The following PPP2R5C variants were observed in gnomAD, a reference collection of about 807,000 sequenced individuals.
PPP2R5C encodes serine/threonine-protein phosphatase 2A 56 kDa regulatory subunit gamma isoform.
Under a neutral mutation model 68.9 loss-of-function variants are expected in PPP2R5C, and 7 were observed. That is an observed-to-expected ratio of 0.10 (90% confidence interval 0.06 to 0.19). The LOEUF is 0.19. Among genes scored for constraint, PPP2R5C ranks in the 10% least tolerant of loss-of-function variants. The pLI is 1.00. For synonymous variants in PPP2R5C, 210 were observed against 222.2 expected (o/e 0.95, Z 0.49); for missense variants, 348 against 641.3 (o/e 0.54, Z 4.94).
intron 1 of PPP2R5C, among the ~76,000 whole-genome samples, chr14:101,822,452 A>T (rs1267139687): frequency 6.6e-6 from 1 of 152,242 alleles, no homozygotes; most frequent in East Asian, 1.9e-4. Flanking sequence ...TAACCAATTC[A>T]GATACTTTTT....
intron 11 of PPP2R5C, 70 bp from the exon 14 acceptor site, chr14:101,912,331 C>A: frequency 7.4e-7 from 1 of 1,355,906 alleles, no homozygotes. Flanking sequence ...CATGCCTGTG[C>A]CTTTTCCCCT....
chr14:101,905,781 A>C (rs533514258), intron 9 of PPP2R5C, among the ~76,000 whole-genome samples: 30 of 152,166 alleles, frequency 2.0e-4, no homozygotes, highest in African/African-American at 6.0e-4. Context: ...TGCCCTCTGC[A>C]GTGGTCCTCA....
intron 8 of PPP2R5C, among the ~76,000 whole-genome samples, chr14:101,900,753 G>A (rs565796601): frequency 6.6e-6 from 1 of 152,338 alleles, no homozygotes; most frequent in East Asian, 1.9e-4. Flanking sequence ...GTCTGACTTG[G>A]CCAAGGAACA....
intron 6 of PPP2R5C, among the ~76,000 whole-genome samples, chr14:101,892,739 G>A (rs906964833): frequency 1.5e-4 from 23 of 152,008 alleles, no homozygotes; most frequent in African/African-American, 4.8e-4. Context: ...ATAGGATCTC[G>A]CTATACTACC....
intron 1 of PPP2R5C, among the ~76,000 whole-genome samples, chr14:101,851,089 C>T (rs1050199696): frequency 1.3e-5 from 2 of 152,120 alleles, no homozygotes. Context: ...TCTGTGGGCT[C>T]GCGACTTGCA....
chr14:101,917,312 G>T lies in PPP2R5C; in HGVS notation c.1327-519G>T, dbSNP rs2046730559. On this transcript the variant is annotated intron_variant, in intron 12 of 13. Transcript: ENST00000334743. The surrounding 1 kb of genome is among the most constrained non-coding windows in gnomAD (Gnocchi z 4.4). ...GTGGAGAGCAAGTCACCCGGGATGTGATGAGAGGGTTTCATAAGCAAGCCG... is the reference window on the plus strand; with the variant it reads ...GTGGAGAGCAAGTCACCCGGGATGTTATGAGAGGGTTTCATAAGCAAGCCG... 6.6e-6 allele frequency among the ~76,000 whole-genome samples: 1 copy of T among 152,194 alleles called. No individual in the cohort carries two copies. The highest frequency in any genetic ancestry group is 2.4e-5 in the African/African-American group (1 of 41,438).
At chr14:101,833,035 TCAGTCATGTCCA>T (rs1464730356) in intron 1 of PPP2R5C, among the ~76,000 whole-genome samples, 1 of 152,234 alleles carries the variant, frequency 6.6e-6, no homozygotes, top group African/African-American at 2.4e-5. Context: ...CGTGCTGGAA[TCAGTCATGTCCA>T]CACTGGCAGT....
intron 1 of PPP2R5C, among the ~76,000 whole-genome samples, 186 bp from the exon 2 acceptor site, chr14:101,762,719 T>C (rs1023391844): frequency 8.6e-5 from 13 of 151,562 alleles, no homozygotes; most frequent in Non-Finnish European, 1.5e-5. Context: ...AGAATCTGAA[T>C]GGGGGTTGGG....
At chr14:101,860,532 G>T (rs369737789) in intron 2 of PPP2R5C, among the ~76,000 whole-genome samples, 1 of 152,254 alleles carries the variant, frequency 6.6e-6, no homozygotes, top group African/African-American at 2.4e-5. Context: ...GTGTGTTTTC[G>T]TATCTCTTGG....
At chr14:101,767,092 C>T (rs747550375) in intron 2 of PPP2R5C, 1 of 152,226 alleles carries the variant, frequency 6.6e-6, no homozygotes, top group African/African-American at 2.4e-5. Context: ...TCTACAGCAA[C>T]TCTTACATAA....
chr14:101,847,251 G>A (rs539722990), intron 1 of PPP2R5C, among the ~76,000 whole-genome samples: 2 of 152,332 alleles, frequency 1.3e-5, no homozygotes, highest in East Asian at 1.9e-4. Context: ...TATGATTAAT[G>A]TAGGGTATAT....
intron 13 of PPP2R5C, among the ~76,000 whole-genome samples, chr14:101,919,437 C>G (rs201543796): frequency 6.6e-6 from 1 of 152,202 alleles, no homozygotes; most frequent in East Asian, 1.9e-4. Context: ...GTATATATTT[C>G]TCTCTTTGTG....
In PPP2R5C at chr14:101,897,861, A is replaced by G. The variant is rs568270532; in HGVS notation, c.852+3301A>G. ...CTCCTCTCCCACCTTTTCCTATTCA[A>G]AAATAAAAGACAACTGGGCACAGTG... On this transcript the variant is annotated intron_variant, in intron 8 of 13. Coordinates refer to ENST00000334743, the Ensembl canonical transcript of PPP2R5C. Among the ~76,000 whole-genome samples the G allele has an allele frequency of 2.6e-5, 4 of 152,242 alleles. No homozygotes were observed. The South Asian group carries it at 8.3e-4, about 32-fold the overall frequency.
At chr14:101,858,850 A>T (rs8004342) in intron 2 of PPP2R5C, among the ~76,000 whole-genome samples, 11,849 of 152,180 alleles carry the variant, frequency 0.078, 501 homozygotes, top group Middle Eastern at 0.15. Context: ...CCTTGAACCG[A>T]GTGTGCTCCC....
chr14:101,836,896 A>G (rs2041138078), intron 1 of PPP2R5C, among the ~76,000 whole-genome samples: 2 of 152,274 alleles, frequency 1.3e-5, no homozygotes, highest in South Asian at 4.1e-4. Context: ...TACAGTCCAT[A>G]GGATGATATA....
intron 13 of PPP2R5C, among the ~76,000 whole-genome samples, chr14:101,919,969 CAAAAAAAA>C (rs34641396): frequency 1.9e-5 from 1 of 52,884 alleles, no homozygotes; most frequent in Non-Finnish European, 3.4e-5. Flanking sequence ...AACTCCGTCT[CAAAAAAAA>C]AAAAAAAAAA....
chr14:101,872,446 T>C (rs989626617), intron 2 of PPP2R5C, among the ~76,000 whole-genome samples: 10 of 151,998 alleles, frequency 6.6e-5, no homozygotes, highest in African/African-American at 2.4e-4. Flanking sequence ...CTAGGTTGCC[T>C]AAGCTGGTCT....
At chr14:101,903,564 C>G (rs1595517573) in intron 9 of PPP2R5C, among the ~76,000 whole-genome samples, 1 of 152,262 alleles carries the variant, frequency 6.6e-6, no homozygotes, top group African/African-American at 2.4e-5. Flanking sequence ...CTGTGTCCCC[C>G]ACGCACGCTT....
chr14:101,883,899 T>G (rs1373339274), intron 5 of PPP2R5C, among the ~76,000 whole-genome samples: 1 of 152,190 alleles, frequency 6.6e-6, no homozygotes, highest in Non-Finnish European at 1.5e-5. Context: ...CCAACTGTAT[T>G]AGTGAAGGTT....
Sources: gnomAD v4.1 joint callset for allele counts (sites outside exome capture counted in the v4.1 genomes callset) on GRCh38, gnomAD v4.1.1 for gene constraint, Gnocchi (gnomAD v3.1) non-coding constraint, MANE v1.5 for transcripts, NCBI Gene and HGNC (gene_info 2026-07-23, HGNC 2026-07-21) for gene names.